CPEB1: variants seen among roughly 807,000 people sequenced by gnomAD.
CPEB1 encodes the protein cytoplasmic polyadenylation element-binding protein 1.
Under a neutral mutation model 65.8 loss-of-function variants are expected in CPEB1, and 7 were observed. The ratio of observed to expected loss-of-function variants is 0.11; its 90% CI spans 0.06 to 0.20. CPEB1 has a LOEUF of 0.20. Among genes scored for constraint, CPEB1 ranks in the 10% least tolerant of loss-of-function variants. The pLI is 1.00. For missense variants in CPEB1, 551 were observed against 712.2 expected (o/e 0.77, Z 2.58); for synonymous variants, 262 against 260.0 (o/e 1.01, Z -0.08).
intron 1 of CPEB1, chr15:82,641,654 G>T (rs1478121501): frequency 6.6e-6 from 1 of 151,298 alleles, no homozygotes; most frequent in Non-Finnish European, 1.5e-5. Flanking sequence ...GGATTCTCCT[G>T]TTACCTCAGG....
intron 3 of CPEB1, among the ~76,000 whole-genome samples, chr15:82,623,625 G>A (rs760210637): frequency 1.3e-4 from 20 of 152,082 alleles, no homozygotes; most frequent in Non-Finnish European, 1.9e-4. Context: ...GCAGTGAGCC[G>A]AGATCACGCC....
intron 3 of CPEB1, among the ~76,000 whole-genome samples, chr15:82,579,596 G>A (rs988030011): frequency 2.0e-5 from 3 of 152,124 alleles, no homozygotes; most frequent in African/African-American, 7.2e-5. Context: ...TTACAGAGAA[G>A]GATGACATGT....
intron 3 of CPEB1, among the ~76,000 whole-genome samples, chr15:82,575,175 G>A (rs1343031829): frequency 2.0e-5 from 3 of 152,166 alleles, no homozygotes; most frequent in East Asian, 1.9e-4. Flanking sequence ...TAAGTCTGGG[G>A]CCATCTGCAC....
At chr15:82,608,971 T>C (rs1308559684) in intron 3 of CPEB1, among the ~76,000 whole-genome samples, 1 of 152,154 alleles carries the variant, frequency 6.6e-6, no homozygotes, top group Non-Finnish European at 1.5e-5. Flanking sequence ...AAATGTGAAA[T>C]GGCTGAAATC....
At chr15:82,562,759 T>C (rs1303776580) in intron 4 of CPEB1, among the ~76,000 whole-genome samples, 1 of 150,514 alleles carries the variant, frequency 6.6e-6, no homozygotes, top group Non-Finnish European at 1.5e-5. Flanking sequence ...CACTTGAGCC[T>C]AAGAGGTTGA....
At chr15:82,622,167 C>T (rs775185793) in intron 3 of CPEB1, among the ~76,000 whole-genome samples, 2 of 152,114 alleles carry the variant, frequency 1.3e-5, no homozygotes, top group African/African-American at 2.4e-5. Context: ...GGAGAGGGCC[C>T]TCTAGGTGGC....
intron 3 of CPEB1, among the ~76,000 whole-genome samples, chr15:82,573,644 C>A (rs2040332741): frequency 6.6e-6 from 1 of 152,094 alleles, no homozygotes; most frequent in African/African-American, 2.4e-5. Context: ...TTACCCCCAT[C>A]CCTCACGAGG....
chr15:82,545,747 C>A (rs1490097247), intron 12 of CPEB1, among the ~76,000 whole-genome samples: 1 of 152,092 alleles, frequency 6.6e-6, no homozygotes. Context: ...TCAAAGTCGT[C>A]CAGAAGTTCA....
At chr15:82,548,973 G>C (rs1212790338) in intron 10 of CPEB1, among the ~76,000 whole-genome samples, 1 of 152,242 alleles carries the variant, frequency 6.6e-6, no homozygotes, top group Non-Finnish European at 1.5e-5. Context: ...TAGGCCCACA[G>C]ACTTCTGAGT....
chr15:82,616,003 TTAC>T (rs1225934786), intron 3 of CPEB1, among the ~76,000 whole-genome samples: 9 of 152,068 alleles, frequency 5.9e-5, no homozygotes, highest in Non-Finnish European at 1.0e-4. Context: ...ATGTAAAATA[TTAC>T]TACAAAGCAA....
intron 4 of CPEB1, among the ~76,000 whole-genome samples, chr15:82,568,805 C>CT (rs1237105737): frequency 6.6e-6 from 1 of 152,176 alleles, no homozygotes; most frequent in African/African-American, 2.4e-5. Context: ...ACAATTTTAT[C>CT]TTAATCAATG....
upstream of CPEB1, chr15:82,648,075 T>C (rs1225058937): frequency 1.6e-5 from 6 of 377,736 alleles, no homozygotes; most frequent in East Asian, 2.4e-4. Context: ...GGCCCTCGCC[T>C]CCGCCCCCTC....
chr15:82,573,089 G>A (rs1002632421), intron 3 of CPEB1: 1 of 1,535,594 alleles, frequency 6.5e-7, no homozygotes, highest in Non-Finnish European at 8.7e-7. Flanking sequence ...CGGGAAGCAT[G>A]CCCACCTGGG....
chr15:82,628,008 A>G, intron 2 of CPEB1: 1 of 579,202 alleles, frequency 1.7e-6, no homozygotes. Flanking sequence ...TCTCTAAGTC[A>G]GCCTCCAGAT....
At chr15:82,624,700 T>C (rs2045603108) in intron 3 of CPEB1, among the ~76,000 whole-genome samples, 1 of 152,156 alleles carries the variant, frequency 6.6e-6, no homozygotes, top group South Asian at 2.1e-4. Context: ...CTCCCATCAA[T>C]CATGGGTCCT....
At chr15:82,546,319 A>G in intron 12 of CPEB1, 122 bp downstream of exon 12, 1 of 733,694 alleles carries the variant, frequency 1.4e-6, no homozygotes. Context: ...CATGTTGGCC[A>G]GGCTGGTCCT....
intron 1 of CPEB1, among the ~76,000 whole-genome samples, chr15:82,637,102 TTC>T (rs1458895904): frequency 4.6e-5 from 7 of 152,226 alleles, no homozygotes; most frequent in Admixed American, 4.6e-4. Flanking sequence ...GAGTCTGGGA[TTC>T]TGATTTAAGC....
chr15:82,562,730 G>A (rs1375230912), intron 4 of CPEB1, among the ~76,000 whole-genome samples: 1 of 152,004 alleles, frequency 6.6e-6, no homozygotes, highest in Non-Finnish European at 1.5e-5. Flanking sequence ...AGTTACTCAG[G>A]AGGCTGAGGC....
intron 1 of CPEB1, among the ~76,000 whole-genome samples, chr15:82,643,320 C>T (rs781103936): frequency 6.6e-6 from 1 of 152,150 alleles, no homozygotes; most frequent in Non-Finnish European, 1.5e-5. Flanking sequence ...TCTGAATATG[C>T]TTTTTACTCC....
Sources: allele counts gnomAD v4.1 joint callset (sites outside exome capture counted in the v4.1 genomes callset), GRCh38; gene constraint gnomAD v4.1.1; transcripts MANE v1.5; gene names NCBI Gene and HGNC (gene_info 2026-07-23, HGNC 2026-07-21).